Variants in XDH observed in about 807,000 individuals in gnomAD.
The protein encoded by XDH is xanthine dehydrogenase.
Under a neutral mutation model 156.1 loss-of-function variants are expected in XDH, and 138 were observed. That is an observed-to-expected ratio of 0.88 (90% CI 0.77 to 1.02). The LOEUF (loss-of-function observed/expected upper bound fraction) is 1.02, where lower values mean the gene tolerates loss of function less well. Ranked by LOEUF, XDH falls within the 50% of genes least tolerant of loss-of-function variation. The pLI, the probability that XDH is intolerant of heterozygous loss-of-function variation, is 0.00. For synonymous variants in XDH, 669 were observed against 625.7 expected (o/e 1.07, Z -1.03); for missense variants, 1,849 against 1,684.9 (o/e 1.10, Z -1.71).
At chr2:31,397,600 C>T (rs1686945092) in intron 6 of XDH, 68 bp downstream of exon 6, 3 of 1,595,050 alleles carry the variant, frequency 1.9e-6, no homozygotes, top group Non-Finnish European at 2.6e-6. Context: ...GGTCTCCCTC[C>T]CCACAGTGAT....
In XDH at chr2:31,372,279, T is replaced by C. The variant is rs1259886909; in HGVS notation, c.1805A>G (p.Asn602Ser). 8 of 1,614,236 alleles carry C rather than the reference T, an allele frequency of 5.0e-6. No homozygotes were observed. Among genetic ancestry groups the C allele is most frequent in the Non-Finnish European group, 6.8e-6 (8 of 1,180,042 alleles). The change falls in exon 17 of 36, where the codon AAT becomes AGT. Residue 602 changes from asparagine to serine, a missense_variant. Coordinates refer to ENST00000379416, the MANE Select transcript of XDH (RefSeq NM_000379.4). ...GGTGACCAGCCGGAGAGACAGCTCATTCTCGTAGCGAGGAATGTCGTCACA... is the reference window on the plus strand; with the variant it reads ...GGTGACCAGCCGGAGAGACAGCTCACTCTCGTAGCGAGGAATGTCGTCACA... ...VYCDDIPRYE[N>S]ELSLRLVTST...
chr2:31,377,638 CTGAGGCTG>C (rs1410405910), intron 13 of XDH, among the ~76,000 whole-genome samples: 1 of 152,108 alleles, frequency 6.6e-6, no homozygotes, highest in African/African-American at 2.4e-5. Flanking sequence ...TCTCTGGGGA[CTGAGGCTG>C]TTTGGCCTTT....
At chr2:31,385,394 G>A (rs1053433332) in intron 9 of XDH, among the ~76,000 whole-genome samples, 6 of 152,120 alleles carry the variant, frequency 3.9e-5, no homozygotes, top group Non-Finnish European at 7.3e-5. Flanking sequence ...ATGTGCGCAC[G>A]AGGGAGGCGT....
chr2:31,401,711 T>C (rs1687065638), intron 3 of XDH, among the ~76,000 whole-genome samples: 1 of 152,242 alleles, frequency 6.6e-6, no homozygotes, highest in South Asian at 2.1e-4. Context: ...CCTGCAGGGC[T>C]GTTCCTTAGC....
Position 31,370,497 on chromosome 2 carries a change from T to C in XDH, c.1857-19A>G. 1 of 1,614,032 alleles carries C rather than the reference T, an allele frequency of 6.2e-7. No individual in the cohort carries two copies. Among genetic ancestry groups the C allele is most frequent in the Non-Finnish European group, 8.5e-7 (1 of 1,179,940 alleles). On this transcript the variant is annotated intron_variant, in intron 17 of 35. Transcript: ENST00000379416. ...TATGGACCTGCAAGAATGAGTGGTG[T>C]GAGGGGCCAGGTCAGCAAGCTGGAG...
intron 17 of XDH, 134 bp from the exon 18 acceptor site, chr2:31,370,612 A>G: frequency 1.7e-6 from 2 of 1,211,940 alleles, no homozygotes. Context: ...CTTCTTTTCT[A>G]TTAGATTCTA....
chr2:31,351,546 A>G (rs1432084853), intron 24 of XDH, among the ~76,000 whole-genome samples: 1 of 152,180 alleles, frequency 6.6e-6, no homozygotes, highest in Non-Finnish European at 1.5e-5. Context: ...CAAAGGGGTA[A>G]AGGGATTCAT....
Position 31,337,666 on chromosome 2 carries a change from G to T in XDH, c.3926C>A (p.Ala1309Asp). 1 of 1,614,180 alleles carries T rather than the reference G, an allele frequency of 6.2e-7. No homozygotes were observed. Among genetic ancestry groups the T allele is most frequent in the African/African-American group, 1.3e-5 (1 of 75,050 alleles). ...CAGGGTGGTGAACTTGTCCACGCAG[G>T]CATTGCGGATCTTCTCCGGGGTGGC... ...SPATPEKIRN[A>D]CVDKFTTLCV... Residue 1309 changes from alanine to aspartate, a missense_variant, in exon 35 of 36, where the codon GCC becomes GAC. Coordinates refer to ENST00000379416, the MANE Select transcript of XDH (RefSeq NM_000379.4).
At chr2:31,407,169 T>A (rs1036291753) in intron 1 of XDH, among the ~76,000 whole-genome samples, 5 of 152,172 alleles carry the variant, frequency 3.3e-5, no homozygotes, top group African/African-American at 1.2e-4. Context: ...TCAAACTTAG[T>A]GAGGGAGCTT....
intron 1 of XDH, among the ~76,000 whole-genome samples, chr2:31,408,721 T>A (rs576858219): frequency 2.7e-4 from 41 of 152,228 alleles, no homozygotes; most frequent in Admixed American, 2.3e-3. Flanking sequence ...TGGAGAACAG[T>A]TTGAAGTTTC....
intron 4 of XDH, 24 bp from the exon 5 acceptor site, chr2:31,398,723 C>T: frequency 1.9e-6 from 3 of 1,612,980 alleles, no homozygotes; most frequent in Non-Finnish European, 2.5e-6. Flanking sequence ...ATGACATAGA[C>T]ACCTGGGATG....
At chr2:31,386,391 A>T (rs1275831218) in intron 9 of XDH, 23 bp downstream of exon 9, 1 of 1,610,514 alleles carries the variant, frequency 6.2e-7, no homozygotes, top group Non-Finnish European at 8.5e-7. Context: ...TGGCAGCCCC[A>T]GGGCAGCCTC....
intron 24 of XDH, among the ~76,000 whole-genome samples, chr2:31,362,846 C>T (rs567475476): frequency 2.2e-4 from 33 of 152,286 alleles, no homozygotes; most frequent in African/African-American, 7.2e-4. Context: ...AATCAAAATA[C>T]ATGTCTACAT....
chr2:31,410,228 A>C (rs1463403702), intron 1 of XDH, among the ~76,000 whole-genome samples: 1 of 152,194 alleles, frequency 6.6e-6, no homozygotes, highest in African/African-American at 2.4e-5. Flanking sequence ...GAAAGGTAGA[A>C]TAGGGAGTTA....
At chr2:31,339,136 C>A (rs1367980625) in intron 34 of XDH, among the ~76,000 whole-genome samples, 4 of 152,112 alleles carry the variant, frequency 2.6e-5, no homozygotes, top group Non-Finnish European at 1.5e-5. Context: ...CATACTAATG[C>A]TGTACCTGTA....
At chr2:31,386,589 C>T (rs2148784948) in intron 8 of XDH, 34 bp from the exon 9 acceptor site, 1 of 1,613,832 alleles carries the variant, frequency 6.2e-7, no homozygotes, top group African/African-American at 1.3e-5. Context: ...ACACTGTCTC[C>T]CTCTTCCTAC....
chr2:31,391,856 T>G (rs545642254), intron 6 of XDH, among the ~76,000 whole-genome samples: 4 of 152,380 alleles, frequency 2.6e-5, no homozygotes, highest in African/African-American at 9.6e-5. Context: ...TCTGATTCTA[T>G]CTTCTGGAAG....
chr2:31,371,867 C>A (rs1258458620), intron 17 of XDH, among the ~76,000 whole-genome samples: 2 of 152,162 alleles, frequency 1.3e-5, no homozygotes, highest in African/African-American at 2.4e-5. Flanking sequence ...ATCTGCTCAG[C>A]AGGGTATGTG....
chr2:31,355,736 C>G (rs775564682), intron 24 of XDH, among the ~76,000 whole-genome samples: 11 of 151,998 alleles, frequency 7.2e-5, no homozygotes, highest in Non-Finnish European at 1.6e-4. Flanking sequence ...ATAGAACAAA[C>G]AGAAAACAAA....
Sources: gnomAD v4.1 joint callset for allele counts (sites outside exome capture counted in the v4.1 genomes callset) on GRCh38, gnomAD v4.1.1 for gene constraint, MANE v1.5 for transcripts, NCBI Gene and HGNC (gene_info 2026-07-23, HGNC 2026-07-21) for gene names.